Variants in DAB1 observed in about 807,000 individuals in gnomAD.
The protein encoded by DAB1 is DAB adaptor protein 1.
In DAB1, 15 loss-of-function variants were observed where a neutral mutation model predicts 64.6. That is an observed-to-expected ratio of 0.23 (90% CI 0.16 to 0.36). The LOEUF (loss-of-function observed/expected upper bound fraction) is 0.36, where lower values mean the gene tolerates loss of function less well. Among genes scored for constraint, DAB1 ranks in the 10% least tolerant of loss-of-function variants. DAB1 has a pLI of 1.00. For synonymous variants in DAB1, 235 were observed against 251.9 expected (o/e 0.93, Z 0.64); for missense variants, 596 against 706.7 (o/e 0.84, Z 1.78).
chr1:57,562,933 T>C (rs889993529), intron 7 of DAB1, among the ~76,000 whole-genome samples: 5 of 152,174 alleles, frequency 3.3e-5, no homozygotes, highest in East Asian at 3.9e-4. Context: ...TCTGCTACTC[T>C]ACAACGGAGG....
intron 5 of DAB1, among the ~76,000 whole-genome samples, chr1:58,028,408 A>G (rs563328069): frequency 6.6e-6 from 1 of 152,256 alleles, no homozygotes; most frequent in African/African-American, 2.4e-5. Flanking sequence ...TAACTCATGT[A>G]TTTTCTCCAT....
intron 1 of DAB1, among the ~76,000 whole-genome samples, chr1:57,294,060 A>G (rs1361762835): frequency 6.6e-6 from 1 of 152,150 alleles, no homozygotes; most frequent in African/African-American, 2.4e-5. Context: ...AATTTTCCAA[A>G]AGGCAGAGGT....
At chr1:58,104,372 G>T (rs745801157) in intron 5 of DAB1, among the ~76,000 whole-genome samples, 38 of 152,214 alleles carry the variant, frequency 2.5e-4, no homozygotes, top group Non-Finnish European at 5.1e-4. Context: ...GAAAAGCGGT[G>T]CTGTTCTGTG....
chr1:57,137,065 G>A (rs1658190159), intron 3 of DAB1, among the ~76,000 whole-genome samples: 1 of 151,596 alleles, frequency 6.6e-6, no homozygotes, highest in African/African-American at 2.4e-5. Context: ...TTATAATTCT[G>A]GAAAAAGTTT....
chr1:57,314,763 A>C (rs545029669), intron 1 of DAB1, among the ~76,000 whole-genome samples: 1 of 151,570 alleles, frequency 6.6e-6, no homozygotes, highest in Non-Finnish European at 1.5e-5. Flanking sequence ...GAAAAAAAAA[A>C]CACAAAACAC....
chr1:57,828,699 A>C lies in DAB1; in HGVS notation n.88-2244T>G, dbSNP rs565927766. On this transcript the variant is annotated intron_variant and non_coding_transcript_variant, in intron 1 of 1. Transcript: ENST00000477280. ...AAAATGTATCCTACTTTTGACATAA[A>C]TGACAATCCAGAAAAAAAGGATGGG... Among the ~76,000 whole-genome samples the C allele has an allele frequency of 2.0e-5, 3 of 152,356 alleles. No homozygotes were observed. The East Asian group carries it at 5.8e-4, about 29-fold the overall frequency.
chr1:57,372,710 G>T (rs1680598336), intron 1 of DAB1, among the ~76,000 whole-genome samples: 1 of 151,980 alleles, frequency 6.6e-6, no homozygotes, highest in Non-Finnish European at 1.5e-5. Context: ...TGCTTTCAGA[G>T]TGCCTACATA....
intron 1 of DAB1, among the ~76,000 whole-genome samples, chr1:57,354,893 T>C (rs1244201723): frequency 3.9e-5 from 6 of 152,110 alleles, no homozygotes; most frequent in Non-Finnish European, 7.4e-5. Flanking sequence ...GGATTTATCA[T>C]GCTACTGGGA....
chr1:58,194,011 A>G (rs1166851559), intron 4 of DAB1, among the ~76,000 whole-genome samples: 2 of 152,216 alleles, frequency 1.3e-5, no homozygotes, highest in Non-Finnish European at 2.9e-5. Context: ...GAAGAAGAAG[A>G]CGTTGGATAA....
intron 5 of DAB1, among the ~76,000 whole-genome samples, chr1:57,962,331 T>C (rs1045918381): frequency 2.6e-5 from 4 of 152,138 alleles, no homozygotes; most frequent in African/African-American, 9.7e-5. Flanking sequence ...ATTATTACTC[T>C]TATTTTTCCA....
intron 3 of DAB1, among the ~76,000 whole-genome samples, chr1:57,144,809 A>G (rs1570774311): frequency 6.6e-6 from 1 of 152,152 alleles, no homozygotes; most frequent in East Asian, 1.9e-4. Context: ...ATCCCAAAAT[A>G]TAATTACATT....
chr1:58,419,059 A>G (rs1230803755), intron 3 of DAB1, among the ~76,000 whole-genome samples: 1 of 152,158 alleles, frequency 6.6e-6, no homozygotes, highest in African/African-American at 2.4e-5. Flanking sequence ...AAATTAGAGG[A>G]GCCTATCGGA....
At chr1:58,421,974 C>T (rs1458465298) in intron 3 of DAB1, among the ~76,000 whole-genome samples, 1 of 151,184 alleles carries the variant, frequency 6.6e-6, no homozygotes, top group Admixed American at 6.6e-5. Context: ...CCTGTTTTCT[C>T]TTTGGGTGCT....
chr1:57,806,051 G>A lies in DAB1; in HGVS notation n.551+77948C>T, dbSNP rs187878218. 3.9e-3 allele frequency among the ~76,000 whole-genome samples: 590 copies of A among 152,154 alleles called. 14 individuals carry two copies. The highest frequency in any genetic ancestry group is 1.5e-3 in the South Asian group (7 of 4,822). On this transcript the variant is annotated intron_variant and non_coding_transcript_variant, in intron 6 of 20. Transcript: ENST00000485760. ...CATTCCTGTGCCTCAATACTCCAAC[G>A]GCTTCCCATTTCACACATTTCACAG...
intron 6 of DAB1, among the ~76,000 whole-genome samples, chr1:57,711,871 T>C (rs1485086997): frequency 6.6e-6 from 1 of 152,238 alleles, no homozygotes; most frequent in African/African-American, 2.4e-5. Flanking sequence ...TATCCAGGTA[T>C]AGAGTAAAGC....
chr1:57,891,975 C>T (rs1014059662), intron 5 of DAB1, among the ~76,000 whole-genome samples: 7 of 152,108 alleles, frequency 4.6e-5, no homozygotes, highest in African/African-American at 1.7e-4. Flanking sequence ...CACAAGTATC[C>T]CAGAACTTAA....
At chr1:57,985,280 T>C (rs1295679506) in intron 5 of DAB1, among the ~76,000 whole-genome samples, 1 of 152,202 alleles carries the variant, frequency 6.6e-6, no homozygotes, top group African/African-American at 2.4e-5. Context: ...ACACTCATAT[T>C]ACAATTTTTC....
chr1:58,185,440 G>A (rs567519742), intron 4 of DAB1, among the ~76,000 whole-genome samples: 6 of 152,290 alleles, frequency 3.9e-5, no homozygotes, highest in African/African-American at 1.4e-4. Flanking sequence ...CACTCAGAAG[G>A]AATCCTAGCC....
rs138221678 is a variant in DAB1 at position 58,500,211 on chromosome 1, ATGT to A, written n.257+5846_257+5848del. Reference sequence around the variant, plus strand: ...AATATTTTTTTTAAGGGTTTAGACAATGTTACTGTCAGGCTTCCTGGCTTTATA... The same window carrying A: ...AATATTTTTTTTAAGGGTTTAGACAATACTGTCAGGCTTCCTGGCTTTATA... On this transcript the variant is annotated intron_variant and non_coding_transcript_variant, in intron 3 of 20. Coordinates refer to the DAB1 transcript ENST00000485760. Among the ~76,000 whole-genome samples the A allele has an allele frequency of 3.4e-3, 519 of 152,242 alleles. 2 individuals carry two copies. The highest frequency in any genetic ancestry group is 0.012 in the African/African-American group (488 of 41,542).
Sources: gnomAD v4.1 joint callset for allele counts (sites outside exome capture counted in the v4.1 genomes callset) on GRCh38, gnomAD v4.1.1 for gene constraint, MANE v1.5 for transcripts, NCBI Gene and HGNC (gene_info 2026-07-23, HGNC 2026-07-21) for gene names.